The following EXOC6B variants were observed in gnomAD, a reference collection of about 807,000 sequenced individuals.
EXOC6B encodes the protein SEC15 homolog B.
In EXOC6B, 54 loss-of-function variants were observed where a neutral mutation model predicts 113.5. That is an observed-to-expected ratio of 0.48 (90% CI 0.38 to 0.60). The LOEUF is 0.60. EXOC6B is among the 20% of genes least tolerant of loss of function. The pLI is 0.00. For missense variants in EXOC6B, 797 were observed against 977.5 expected, an observed-to-expected ratio of 0.82 and a Z score of 2.46; for synonymous variants, 357 against 339.0, an observed-to-expected ratio of 1.05 and a Z score of -0.58.
At position 72,379,879 on chromosome 2, in the gene EXOC6B, CAA is replaced by C; in HGVS notation, c.1981-11_1981-10del. ...GTCTGGGCCACCTTTCCCTGAAACA[CAA>C]GAGTGTAAATCATAAAGTTAATGCA... On this transcript the variant is annotated splice_polypyrimidine_tract_variant and intron_variant, in intron 18 of 21. Coordinates refer to ENST00000272427, the MANE Select transcript of EXOC6B (RefSeq NM_015189.3). 1 of 1,597,676 alleles carries C rather than the reference CAA, an allele frequency of 6.3e-7. No homozygotes were observed. The highest frequency in any genetic ancestry group is 8.5e-7 in the Non-Finnish European group (1 of 1,171,546).
intron 19 of EXOC6B, among the ~76,000 whole-genome samples, chr2:72,365,515 C>T (rs74789845): frequency 0.011 from 1,675 of 152,082 alleles, 14 homozygotes; most frequent in Non-Finnish European, 0.019. Flanking sequence ...ATAAAGCAGG[C>T]AAAGGGAGAG....
chr2:72,401,190 G>A (rs1040068593), intron 18 of EXOC6B, among the ~76,000 whole-genome samples: 5 of 151,448 alleles, frequency 3.3e-5, no homozygotes, highest in Non-Finnish European at 5.9e-5. Flanking sequence ...GCCAGGCGTG[G>A]TAACTCACGC....
intron 20 of EXOC6B, among the ~76,000 whole-genome samples, chr2:72,296,777 A>G (rs1212147898): frequency 2.0e-5 from 3 of 152,152 alleles, no homozygotes; most frequent in African/African-American, 7.2e-5. Context: ...TGCAAGATAA[A>G]CACAATGGTT....
At position 72,177,116 on chromosome 2, in the gene EXOC6B, G is replaced by T. The variant is rs530955521; in HGVS notation, c.*2219C>A. 2.6e-5 allele frequency: 4 copies of T among 152,268 alleles called. No homozygotes were observed. The highest frequency in any genetic ancestry group is 9.6e-5 in the African/African-American group (4 of 41,548). The allele number at this position is 152,268 out of a possible 1,614,324, so 9.4% of individuals were successfully genotyped here. On this transcript the variant is annotated 3_prime_UTR_variant, in exon 22 of 22. Coordinates refer to ENST00000272427, the MANE Select transcript of EXOC6B (RefSeq NM_015189.3). Reference sequence around the variant, plus strand: ...GAAGGCAGACTAAGAATGGAGAGAAGATATATCAAAGGGTCCATCTTTATG... The same window carrying T: ...GAAGGCAGACTAAGAATGGAGAGAATATATATCAAAGGGTCCATCTTTATG...
rs767150065 is a variant in EXOC6B at position 72,559,540 on chromosome 2, A to G, written c.847-19T>C. The G allele has an allele frequency of 3.1e-6, 5 of 1,602,396 alleles. No homozygotes were observed. In the East Asian group the frequency reaches 1.1e-4, roughly 36 times the overall value. ...CAGGTACCTGCAAACACAAGATTAT[A>G]ACAAAAAAATTCAAACAAAGCTATT... On this transcript the variant is annotated intron_variant, in intron 7 of 21. Coordinates refer to ENST00000272427, the MANE Select transcript of EXOC6B (RefSeq NM_015189.3).
At chr2:72,813,632 A>G (rs548736515) in intron 1 of EXOC6B, among the ~76,000 whole-genome samples, 1 of 152,332 alleles carries the variant, frequency 6.6e-6, no homozygotes, top group Non-Finnish European at 1.5e-5. Context: ...TAAAAAATGT[A>G]TTCCATAAAT....
At chr2:72,398,461 C>A (rs907185987) in intron 18 of EXOC6B, among the ~76,000 whole-genome samples, 1 of 152,076 alleles carries the variant, frequency 6.6e-6, no homozygotes, top group Admixed American at 6.5e-5. Flanking sequence ...CTTTCAGAGG[C>A]CAAGGCAGGT....
At chr2:72,689,644 A>G (rs918814718) in intron 6 of EXOC6B, among the ~76,000 whole-genome samples, 4 of 152,140 alleles carry the variant, frequency 2.6e-5, no homozygotes, top group African/African-American at 9.7e-5. Context: ...CAAACTCCGG[A>G]CTGCTGTGCC....
chr2:72,699,703 T>G (rs114888901), intron 6 of EXOC6B, among the ~76,000 whole-genome samples: 2,496 of 152,212 alleles, frequency 0.016, 91 homozygotes, highest in African/African-American at 0.058. Flanking sequence ...TTTAGCCTGA[T>G]TAAAAAAAAC....
At chr2:72,666,218 C>T (rs1675378837) in intron 6 of EXOC6B, among the ~76,000 whole-genome samples, 1 of 152,172 alleles carries the variant, frequency 6.6e-6, no homozygotes, top group African/African-American at 2.4e-5. Flanking sequence ...GAACACCCTA[C>T]TGACAGTGTT....
chr2:72,679,193 A>G (rs1676522420), intron 6 of EXOC6B, among the ~76,000 whole-genome samples: 1 of 152,052 alleles, frequency 6.6e-6, no homozygotes, highest in Admixed American at 6.6e-5. Context: ...CGGCTTCCCA[A>G]GTAGCTGGGA....
At chr2:72,375,199 T>C (rs1357270339) in intron 19 of EXOC6B, among the ~76,000 whole-genome samples, 1 of 152,050 alleles carries the variant, frequency 6.6e-6, no homozygotes, top group Admixed American at 6.6e-5. Context: ...ACTGACAGGA[T>C]TGATATTGAT....
Position 72,281,525 on chromosome 2 carries a change from T to A in EXOC6B, c.2196+53422A>T, listed in dbSNP as rs1290397653. Among the ~76,000 whole-genome samples, 4 of 151,778 alleles carry A rather than the reference T, an allele frequency of 2.6e-5. 1 individual carries two copies. Among genetic ancestry groups the A allele is most frequent in the Admixed American group, 2.0e-4 (3 of 15,246 alleles). ...TAAAACTAAGAATATAGCAGAGAGA[T>A]TTAAGAACAGATTGGATAGAGGATG... On this transcript the variant is annotated intron_variant, in intron 20 of 21. Coordinates refer to ENST00000272427, the MANE Select transcript of EXOC6B (RefSeq NM_015189.3).
intron 19 of EXOC6B, among the ~76,000 whole-genome samples, chr2:72,336,191 A>G (rs1688680814): frequency 2.0e-5 from 3 of 152,164 alleles, no homozygotes; most frequent in African/African-American, 7.2e-5. Flanking sequence ...GCTTCTATCC[A>G]GTACTGAATT....
At chr2:72,265,192 T>A (rs1683986625) in intron 20 of EXOC6B, among the ~76,000 whole-genome samples, 1 of 151,924 alleles carries the variant, frequency 6.6e-6, no homozygotes, top group Non-Finnish European at 1.5e-5. Flanking sequence ...CAGATGGAGA[T>A]GAGGAACTTC....
chr2:72,364,228 G>A (rs1690479595), intron 19 of EXOC6B, among the ~76,000 whole-genome samples: 1 of 152,020 alleles, frequency 6.6e-6, no homozygotes, highest in Non-Finnish European at 1.5e-5. Context: ...AAAAAAAAAT[G>A]AGGGGGGTGG....
intron 6 of EXOC6B, among the ~76,000 whole-genome samples, chr2:72,686,424 G>C (rs998623199): frequency 6.6e-6 from 1 of 152,144 alleles, no homozygotes; most frequent in Admixed American, 6.5e-5. Flanking sequence ...CTCTCTTAGA[G>C]AAGAAGTACT....
At chr2:72,487,056 T>C (rs1187051168) in intron 16 of EXOC6B, among the ~76,000 whole-genome samples, 1 of 152,146 alleles carries the variant, frequency 6.6e-6, no homozygotes, top group East Asian at 1.9e-4. Context: ...GTATTTATAT[T>C]TACAAAAAAG....
chr2:72,611,547 T>C (rs1485120053), intron 6 of EXOC6B, among the ~76,000 whole-genome samples: 21 of 152,170 alleles, frequency 1.4e-4, no homozygotes, highest in Admixed American at 1.4e-3. Flanking sequence ...CTTTAGTTAG[T>C]AGTGATGTGC....
Sources: allele counts gnomAD v4.1 joint callset (sites outside exome capture counted in the v4.1 genomes callset), GRCh38; gene constraint gnomAD v4.1.1; transcripts MANE v1.5; gene names NCBI Gene and HGNC (gene_info 2026-07-23, HGNC 2026-07-21).